HYDIN: variants seen among roughly 807,000 people sequenced by gnomAD.
HYDIN encodes the protein HYDIN axonemal central pair apparatus protein, also known as axonemal central pair apparatus protein HYDIN.
A neutral mutation model predicts 403.9 loss-of-function variants in HYDIN; 132 were observed. The observed-to-expected ratio is 0.33, with a 90% CI of 0.28 to 0.38. The LOEUF (loss-of-function observed/expected upper bound fraction) is 0.38. Ranked by LOEUF, HYDIN falls within the 10% of genes least tolerant of loss-of-function variation. The pLI is 1.00. For missense variants in HYDIN, 2,827 were observed against 5,009.5 expected (o/e 0.56, Z 13.15); for synonymous variants, 1,202 against 1,891.7 (o/e 0.64, Z 9.46).
In HYDIN at chr16:71,162,644, A is replaced by C; in HGVS notation, c.603T>G (p.Asp201Glu). ...TGGAAAAATTCAGCTTGTCAGGAAA[A>C]TCGAGAATGGCTCGTGCCCCTCTAG... is the stretch of plus-strand genomic sequence containing the variant. ...IKARGARAIL[D>E]FPDKLNFSTC... Residue 201 changes from aspartate to glutamate, a missense_variant, in exon 6 of 86, where the codon GAT becomes GAG. By Grantham distance (45) the Asp-to-Glu change is conservative. Transcript: ENST00000393567. The C allele has an allele frequency of 1.2e-6, 1 of 853,392 alleles. No individual in the cohort carries two copies. Among genetic ancestry groups the C allele is most frequent in the East Asian group, 2.4e-5 (1 of 41,104 alleles). 52.9% of individuals were successfully genotyped at this position (853,392 alleles called of 1,614,324 possible).
chr16:71,134,327 C>T (rs1435124924), intron 8 of HYDIN, among the ~76,000 whole-genome samples: 1 of 151,646 alleles, frequency 6.6e-6, no homozygotes, highest in East Asian at 1.9e-4. Context: ...TTCAGTCTGA[C>T]CTGAAAGTTT....
intron 55 of HYDIN, among the ~76,000 whole-genome samples, chr16:70,892,792 C>G (rs1436852898): frequency 1.3e-5 from 2 of 152,226 alleles, no homozygotes; most frequent in African/African-American, 4.8e-5. Flanking sequence ...CTCTGTCCAA[C>G]AGGGACATTG....
At chr16:70,892,746 T>C (rs1463907403) in intron 55 of HYDIN, among the ~76,000 whole-genome samples, 1 of 152,122 alleles carries the variant, frequency 6.6e-6, no homozygotes, top group African/African-American at 2.4e-5. Context: ...ACAGCCATAC[T>C]CTATCCCATG....
intron 77 of HYDIN, 121 bp downstream of exon 77, chr16:70,837,569 G>C: frequency 5.7e-6 from 4 of 695,718 alleles, no homozygotes; most frequent in South Asian, 5.5e-5. Context: ...ACCTACAACA[G>C]AGCAGCCTGG....
chr16:71,163,658 C>T (rs1490166004), intron 5 of HYDIN, among the ~76,000 whole-genome samples: 3 of 152,158 alleles, frequency 2.0e-5, no homozygotes, highest in African/African-American at 7.2e-5. Context: ...GCAGGATGTG[C>T]ACCTGGATGC....
At chr16:71,157,681 T>TA (rs1222680689) in intron 6 of HYDIN, among the ~76,000 whole-genome samples, 2 of 151,512 alleles carry the variant, frequency 1.3e-5, no homozygotes, top group Admixed American at 1.3e-4. Flanking sequence ...GGAGAAAACA[T>TA]AAAGCCATTA....
chr16:71,097,401 C>T (rs943460934), intron 10 of HYDIN, among the ~76,000 whole-genome samples: 1 of 104,056 alleles, frequency 9.6e-6, no homozygotes, highest in African/African-American at 5.6e-5. Context: ...TCTTGATTTC[C>T]TTCTCTTGGA....
intron 14 of HYDIN, among the ~76,000 whole-genome samples, chr16:71,068,312 G>A (rs1196099735): frequency 6.7e-6 from 1 of 149,752 alleles, no homozygotes; most frequent in Non-Finnish European, 1.5e-5. Context: ...GTTTTCAGTT[G>A]CAGAGGGAAT....
At chr16:71,008,438 T>G (rs1714656676) in intron 23 of HYDIN, among the ~76,000 whole-genome samples, 1 of 152,056 alleles carries the variant, frequency 6.6e-6, no homozygotes, top group Non-Finnish European at 1.5e-5. Context: ...TGGCACATGG[T>G]GGGTACTCAA....
At chr16:70,990,706 G>A (rs1239590703) in intron 25 of HYDIN, among the ~76,000 whole-genome samples, 1 of 152,212 alleles carries the variant, frequency 6.6e-6, no homozygotes, top group Non-Finnish European at 1.5e-5. Context: ...AAGCTGCAGT[G>A]TACAAGGATG....
intron 43 of HYDIN, among the ~76,000 whole-genome samples, chr16:70,939,601 A>G (rs1478391208): frequency 6.6e-6 from 1 of 152,368 alleles, no homozygotes; most frequent in Non-Finnish European, 1.5e-5. Context: ...CAACAGCCCT[A>G]TGAGGGAGGA....
rs1680441295 is a variant in HYDIN, at chr16:71,094,447, C to A, written c.1328-512G>T. Among the ~76,000 whole-genome samples the A allele has an allele frequency of 2.0e-5, 3 of 152,084 alleles. No homozygotes were observed. In the South Asian group the frequency reaches 6.2e-4, roughly 31 times the overall value. ...AAATGCATGTCATTATGGTTGGTAA[C>A]TGCAGACACCCAGCTTTATAACTGT... is the stretch of plus-strand genomic sequence containing the variant. On this transcript the variant is annotated intron_variant, in intron 10 of 85. Coordinates refer to ENST00000393567, the MANE Select transcript of HYDIN (RefSeq NM_001270974.2).
At chr16:70,992,033 A>T (rs1195391813) in intron 24 of HYDIN, 37 bp downstream of exon 24, 1 of 1,612,958 alleles carries the variant, frequency 6.2e-7, no homozygotes, top group East Asian at 2.2e-5. Context: ...AGAAAAGAAA[A>T]GCTACTACAA....
intron 65 of HYDIN, among the ~76,000 whole-genome samples, chr16:70,870,524 G>A (rs905144639): frequency 1.3e-5 from 2 of 149,802 alleles, no homozygotes; most frequent in Admixed American, 6.6e-5. Context: ...GGACATGGCT[G>A]CAGAGGGTGC....
intron 23 of HYDIN, among the ~76,000 whole-genome samples, chr16:71,002,216 G>A (rs1297244809): frequency 2.0e-5 from 3 of 152,184 alleles, no homozygotes; most frequent in African/African-American, 7.2e-5. Context: ...ATTACGGATA[G>A]TTTCACTATG....
At chr16:71,067,761 T>C (rs1489019025) in intron 14 of HYDIN, among the ~76,000 whole-genome samples, 4 of 152,168 alleles carry the variant, frequency 2.6e-5, no homozygotes. Flanking sequence ...TATGAAAATG[T>C]AATATACTAG....
intron 18 of HYDIN, among the ~76,000 whole-genome samples, chr16:71,036,758 C>T (rs1029827224): frequency 3.3e-5 from 5 of 151,736 alleles, no homozygotes; most frequent in African/African-American, 1.2e-4. Context: ...CATTAAAATG[C>T]CAGATGTTAA....
intron 5 of HYDIN, among the ~76,000 whole-genome samples, chr16:71,164,737 G>A (rs1004134006): frequency 9.4e-6 from 1 of 106,792 alleles, no homozygotes; most frequent in African/African-American, 3.9e-5. Context: ...GAATGTCACT[G>A]CCTGCTACTG....
intron 1 of HYDIN, among the ~76,000 whole-genome samples, chr16:71,229,532 T>G (rs1326462587): frequency 6.6e-6 from 1 of 152,206 alleles, no homozygotes; most frequent in African/African-American, 2.4e-5. Context: ...CAGCTGATGG[T>G]ACATCCATTC....
Sources: allele counts gnomAD v4.1 joint callset (sites outside exome capture counted in the v4.1 genomes callset), GRCh38; gene constraint gnomAD v4.1.1; transcripts MANE v1.5; gene names NCBI Gene and HGNC (gene_info 2026-07-23, HGNC 2026-07-21).